NCKAP5: variants seen among roughly 807,000 people sequenced by gnomAD.
NCKAP5 encodes the protein nck-associated protein 5.
A neutral mutation model predicts 167.0 loss-of-function variants in NCKAP5; 92 were observed. The observed-to-expected ratio is 0.55, with a 90% CI of 0.47 to 0.66. The LOEUF is 0.66. NCKAP5 is among the 30% of genes least tolerant of loss of function. The pLI is 0.00. For synonymous variants in NCKAP5, 891 were observed against 877.4 expected (o/e 1.02, Z -0.27); for missense variants, 2,378 against 2,315.0 (o/e 1.03, Z -0.56).
chr2:133,169,664 T>C (rs1311564951), intron 5 of NCKAP5, among the ~76,000 whole-genome samples: 2 of 152,194 alleles, frequency 1.3e-5, no homozygotes, highest in Non-Finnish European at 2.9e-5. Flanking sequence ...CTCGCAGTTA[T>C]TAGTGTGTGC....
intron 3 of NCKAP5, among the ~76,000 whole-genome samples, chr2:133,486,192 G>A (rs1200096513): frequency 2.0e-5 from 3 of 152,186 alleles, no homozygotes; most frequent in Non-Finnish European, 4.4e-5. Context: ...TGCTCACTCT[G>A]TATAATCCAT....
chr2:132,761,455 C>A (rs74579064), intron 16 of NCKAP5, among the ~76,000 whole-genome samples: 11,333 of 152,300 alleles, frequency 0.074, 560 homozygotes, highest in East Asian at 0.12. Flanking sequence ...CTGGCTAGGG[C>A]ATTCTCTTGC....
intron 6 of NCKAP5, among the ~76,000 whole-genome samples, chr2:133,014,699 G>C (rs981153934): frequency 1.3e-5 from 2 of 152,134 alleles, no homozygotes; most frequent in African/African-American, 4.8e-5. Flanking sequence ...CACAATTTCA[G>C]CCTTACGTTT....
intron 11 of NCKAP5, among the ~76,000 whole-genome samples, chr2:132,809,200 T>A (rs1221498017): frequency 6.6e-6 from 1 of 152,198 alleles, no homozygotes; most frequent in African/African-American, 2.4e-5. Flanking sequence ...ATGGTCTATC[T>A]TGGAGAAAGT....
In NCKAP5 at chr2:133,375,953, AAG is replaced by A. The variant is rs1173621598; in HGVS notation, c.70-72845_70-72844del. Among the ~76,000 whole-genome samples the A allele has an allele frequency of 3.9e-5, 6 of 152,304 alleles. No individual in the cohort carries two copies. The East Asian group carries it at 1.2e-3, about 29-fold the overall frequency. On this transcript the variant is annotated intron_variant, in intron 3 of 19. Transcript: ENST00000409261. ...GTCTGAAAGATAAGCACATGGAGGA[AAG>A]AGAGGGCTTCAGAGTGGGCCCAATA...
chr2:132,729,060 T>C (rs919968321), intron 17 of NCKAP5, 108 bp from the exon 18 acceptor site: 4 of 1,447,008 alleles, frequency 2.8e-6, no homozygotes, highest in South Asian at 1.3e-5. Context: ...AAGGTCCAAA[T>C]ACAGTGAAAG....
At position 132,731,718 on chromosome 2, in the gene NCKAP5, T is replaced by C; in HGVS notation, c.5443+19A>G. The C allele has an allele frequency of 6.4e-7, 1 of 1,555,880 alleles. No homozygotes were observed. The highest frequency in any genetic ancestry group is 1.2e-5 in the South Asian group (1 of 82,710). ...TTGTCAGCAAATGTCTTATTAAGGG[T>C]GGGAAATTGGCATTTTACCTGAGGA... is the stretch of plus-strand genomic sequence containing the variant. On this transcript the variant is annotated intron_variant, in intron 17 of 19. Coordinates refer to ENST00000409261, the MANE Select transcript of NCKAP5 (RefSeq NM_207363.3).
In NCKAP5 at chr2:132,784,205, G is replaced by T; in HGVS notation, c.2606C>A (p.Ser869Tyr). ...CCTGGAGCTGTGCGGAAGTTGGGCG[G>T]AATGTTTTGGAATGTGTGGATCTGA... Reference protein sequence around the residue: ...LRSDPHIPKHSAQLPHSSRMP... With the variant: ...LRSDPHIPKHYAQLPHSSRMP... The change falls in exon 14 of 20, where the codon TCC (serine) becomes TAC (tyrosine). Residue 869 changes from serine (S) to tyrosine (Y), a missense_variant. Transcript: ENST00000409261. 2.6e-6 allele frequency: 4 copies of T among 1,568,510 alleles called. No homozygotes were observed. The highest frequency in any genetic ancestry group is 3.5e-6 in the Non-Finnish European group (4 of 1,158,946).
the NCKAP5 span, among the ~76,000 whole-genome samples, chr2:133,672,134 C>G: frequency 6.6e-6 from 1 of 152,122 alleles, no homozygotes; most frequent in African/African-American, 2.4e-5. Context: ...TGAATTTAAA[C>G]AGAGACCTAA....
At chr2:132,821,278 C>A (rs1456211500) in intron 11 of NCKAP5, among the ~76,000 whole-genome samples, 4 of 152,160 alleles carry the variant, frequency 2.6e-5, no homozygotes, top group Non-Finnish European at 5.9e-5. Flanking sequence ...CTCCAGATCA[C>A]CCACGGGAGA....
intron 5 of NCKAP5, among the ~76,000 whole-genome samples, chr2:133,177,591 T>A (rs1473060705): frequency 6.6e-6 from 1 of 152,172 alleles, no homozygotes; most frequent in African/African-American, 2.4e-5. Flanking sequence ...GCTACTTTCA[T>A]ACCACAGGTT....
chr2:133,581,834 G>A, the NCKAP5 span, among the ~76,000 whole-genome samples: 2 of 152,180 alleles, frequency 1.3e-5, no homozygotes, highest in African/African-American at 4.8e-5. Flanking sequence ...TGATAGCTCT[G>A]CTTTGAAAAG....
chr2:132,788,928 T>C (rs932599549), intron 13 of NCKAP5, among the ~76,000 whole-genome samples: 1 of 152,184 alleles, frequency 6.6e-6, no homozygotes, highest in East Asian at 1.9e-4. Flanking sequence ...GTCTGGCTTG[T>C]TAGGTCCCTG....
At chr2:133,434,319 C>T (rs1690337667) in intron 3 of NCKAP5, among the ~76,000 whole-genome samples, 1 of 152,126 alleles carries the variant, frequency 6.6e-6, no homozygotes, top group South Asian at 2.1e-4. Context: ...ATGTTAACTA[C>T]AGGTAAACAA....
the NCKAP5 span, among the ~76,000 whole-genome samples, chr2:133,669,162 C>A: frequency 6.6e-6 from 1 of 152,132 alleles, no homozygotes; most frequent in African/African-American, 2.4e-5. Flanking sequence ...ATCACATATT[C>A]GTTTTCAAGC....
intron 5 of NCKAP5, among the ~76,000 whole-genome samples, chr2:133,138,731 T>C (rs983451941): frequency 2.0e-5 from 3 of 152,228 alleles, no homozygotes; most frequent in Non-Finnish European, 2.9e-5. Context: ...GATTCTCTCA[T>C]ACCAGAAGAA....
At chr2:133,302,795 T>TAAAA (rs527961924) in intron 4 of NCKAP5, among the ~76,000 whole-genome samples, 2 of 150,362 alleles carry the variant, frequency 1.3e-5, no homozygotes, top group Admixed American at 6.6e-5. Flanking sequence ...AAAATAAAAA[T>TAAAA]AAAAAAAATA....
intron 3 of NCKAP5, among the ~76,000 whole-genome samples, chr2:133,303,641 CT>C (rs981680081): frequency 6.6e-6 from 1 of 150,554 alleles, no homozygotes; most frequent in East Asian, 1.9e-4. Context: ...AGTGTATTTG[CT>C]TTTTTTTTAT....
Position 132,783,448 on chromosome 2 carries a change from G to A in NCKAP5, c.3363C>T (p.Ser1121=), listed in dbSNP as rs1288330377. The change falls in exon 14 of 20, where the codon TCC becomes TCT. Residue 1121 remains serine, a synonymous_variant. Transcript: ENST00000409261. ...TGTTATGGCTTTTGGCGGGTGATGA[G>A]GATGATGAGGAACTGCTGACCTGAG... is the stretch of plus-strand genomic sequence containing the variant. ...PSSQVSSSSS[S]SSPAKSHNSP... The A allele has an allele frequency of 1.9e-6, 3 of 1,586,756 alleles. No homozygotes were observed. Among genetic ancestry groups the A allele is most frequent in the African/African-American group, 1.3e-5 (1 of 74,102 alleles).
Sources: allele counts gnomAD v4.1 joint callset (sites outside exome capture counted in the v4.1 genomes callset), GRCh38; gene constraint gnomAD v4.1.1; transcripts MANE v1.5; gene names NCBI Gene and HGNC (gene_info 2026-07-23, HGNC 2026-07-21).